Variants in PLXDC2 observed in about 807,000 individuals in gnomAD.
PLXDC2 encodes the protein plexin domain-containing protein 2.
In PLXDC2, 40 loss-of-function variants were observed where a neutral mutation model predicts 68.9. The ratio of observed to expected loss-of-function variants is 0.58; its 90% CI spans 0.45 to 0.76. The LOEUF (loss-of-function observed/expected upper bound fraction) is 0.76. PLXDC2 is among the 30% of genes least tolerant of loss of function. The pLI, the probability that PLXDC2 is intolerant of heterozygous loss-of-function variation, is 0.00. For synonymous variants in PLXDC2, 243 were observed against 234.2 expected, an observed-to-expected ratio of 1.04 and a Z score of -0.34; for missense variants, 644 against 661.9, an observed-to-expected ratio of 0.97 and a Z score of 0.30.
At chr10:20,115,022 CAAT>C (rs1833604240) in intron 4 of PLXDC2, among the ~76,000 whole-genome samples, 1 of 152,102 alleles carries the variant, frequency 6.6e-6, no homozygotes, top group South Asian at 2.1e-4. Flanking sequence ...ATCCGCAATG[CAAT>C]TTTTTTTTAC....
At chr10:19,858,170 C>G (rs927466618) in intron 1 of PLXDC2, among the ~76,000 whole-genome samples, 4 of 152,120 alleles carry the variant, frequency 2.6e-5, no homozygotes, top group African/African-American at 9.7e-5. Flanking sequence ...TTGCTGATTT[C>G]TGGGGACAAA....
chr10:19,874,113 CAACACTT>C (rs2131345285), intron 1 of PLXDC2, among the ~76,000 whole-genome samples: 1 of 152,234 alleles, frequency 6.6e-6, no homozygotes, highest in East Asian at 1.9e-4. Context: ...CAAAGTTCAG[CAACACTT>C]ACGATCACAG....
At chr10:20,113,363 C>T (rs1002352025) in intron 4 of PLXDC2, among the ~76,000 whole-genome samples, 44 of 152,126 alleles carry the variant, frequency 2.9e-4, no homozygotes, top group African/African-American at 1.1e-3. Flanking sequence ...TTCCAATTTC[C>T]TTGCTGTAGT....
intron 1 of PLXDC2, among the ~76,000 whole-genome samples, chr10:19,894,712 A>G (rs1838026463): frequency 6.6e-6 from 1 of 152,180 alleles, no homozygotes; most frequent in Non-Finnish European, 1.5e-5. Context: ...GAGAAATGCA[A>G]ATCGAAACCA....
chr10:19,961,843 G>A (rs1834158217), intron 1 of PLXDC2, among the ~76,000 whole-genome samples: 1 of 152,280 alleles, frequency 6.6e-6, no homozygotes, highest in South Asian at 2.1e-4. Flanking sequence ...TGCCATACTA[G>A]GAGGGCCCTC....
At chr10:20,002,260 CTTT>C (rs34210865) in intron 2 of PLXDC2, among the ~76,000 whole-genome samples, 8 of 138,406 alleles carry the variant, frequency 5.8e-5, no homozygotes, top group Non-Finnish European at 9.4e-5. Context: ...TGTGTAAGAG[CTTT>C]TTTTTTTTTT....
At chr10:20,247,907 G>T (rs1350288554) in intron 13 of PLXDC2, among the ~76,000 whole-genome samples, 1 of 152,118 alleles carries the variant, frequency 6.6e-6, no homozygotes, top group African/African-American at 2.4e-5. Context: ...ATATTATCAC[G>T]CATTGCCTTG....
intron 1 of PLXDC2, among the ~76,000 whole-genome samples, chr10:19,999,014 G>C (rs971258957): frequency 3.3e-5 from 5 of 152,186 alleles, no homozygotes; most frequent in African/African-American, 1.2e-4. Context: ...GGGAAATAGA[G>C]ACTTCATCGT....
chr10:20,236,210 G>A (rs1835430125), intron 12 of PLXDC2, among the ~76,000 whole-genome samples: 1 of 152,060 alleles, frequency 6.6e-6, no homozygotes, highest in Admixed American at 6.6e-5. Context: ...GGGAGGCTGA[G>A]GCAGGTGGAT....
At chr10:20,077,192 C>A (rs1836466050) in intron 4 of PLXDC2, among the ~76,000 whole-genome samples, 1 of 152,064 alleles carries the variant, frequency 6.6e-6, no homozygotes. Flanking sequence ...GCTAACAACC[C>A]AATTAAAAAA....
At chr10:20,229,827 G>A (rs906113804) in intron 12 of PLXDC2, among the ~76,000 whole-genome samples, 3 of 152,224 alleles carry the variant, frequency 2.0e-5, no homozygotes, top group African/African-American at 4.8e-5. Flanking sequence ...TACTGTGACC[G>A]AATGTTATTT....
chr10:20,279,615 T>G, intron 13 of PLXDC2, 88 bp from the exon 14 acceptor site: 1 of 991,768 alleles, frequency 1.0e-6, no homozygotes, highest in Non-Finnish European at 1.6e-6. Context: ...AATTCAACAT[T>G]TAATCTAAAA....
At chr10:19,832,133 TTAA>T (rs1233612912) in intron 1 of PLXDC2, among the ~76,000 whole-genome samples, 1 of 152,254 alleles carries the variant, frequency 6.6e-6, no homozygotes, top group Non-Finnish European at 1.5e-5. Flanking sequence ...TGTTGTTTAT[TTAA>T]TACTTTTGTT....
chr10:20,065,650 G>C lies in PLXDC2; in HGVS notation c.472-2520G>C, dbSNP rs903213143. Among the ~76,000 whole-genome samples, 3 of 152,252 alleles carry C rather than the reference G, an allele frequency of 2.0e-5. No homozygotes were observed. In the East Asian group the frequency reaches 5.8e-4, roughly 29 times the overall value. ...TCCTGAGCTTGTTTTCCTGTAACTAGAAGGTCCCATCTGAGGGTAATGGAT... is the reference window on the plus strand; with the variant it reads ...TCCTGAGCTTGTTTTCCTGTAACTACAAGGTCCCATCTGAGGGTAATGGAT... On this transcript the variant is annotated intron_variant, in intron 3 of 13. Transcript: ENST00000377252.
At chr10:20,092,810 C>T (rs776963146) in intron 4 of PLXDC2, among the ~76,000 whole-genome samples, 31 of 151,826 alleles carry the variant, frequency 2.0e-4, no homozygotes, top group Non-Finnish European at 2.9e-5. Context: ...ATTTTACAAG[C>T]AGAACAAGAG....
chr10:20,267,450 T>C (rs1272710649), intron 13 of PLXDC2, among the ~76,000 whole-genome samples: 1 of 152,100 alleles, frequency 6.6e-6, no homozygotes, highest in Non-Finnish European at 1.5e-5. Flanking sequence ...GCAGCAGAAT[T>C]TGCAAAAATT....
intron 6 of PLXDC2, among the ~76,000 whole-genome samples, chr10:20,157,683 A>T (rs117642090): frequency 0.046 from 7,063 of 152,198 alleles, 232 homozygotes; most frequent in Non-Finnish European, 0.071. Context: ...TTTACCCCTG[A>T]CATCTTTTCC....
At chr10:20,080,920 C>T (rs529878241) in intron 4 of PLXDC2, among the ~76,000 whole-genome samples, 1 of 152,176 alleles carries the variant, frequency 6.6e-6, no homozygotes, top group South Asian at 2.1e-4. Context: ...TTCCACAAAG[C>T]TAGAATTTCA....
chr10:20,027,938 T>C (rs1328902226), intron 2 of PLXDC2, among the ~76,000 whole-genome samples: 1 of 151,730 alleles, frequency 6.6e-6, no homozygotes, highest in Non-Finnish European at 1.5e-5. Flanking sequence ...GACTTAGGAC[T>C]ATTTGTTTCC....
Sources: gnomAD v4.1 joint callset for allele counts (sites outside exome capture counted in the v4.1 genomes callset) on GRCh38, gnomAD v4.1.1 for gene constraint, MANE v1.5 for transcripts, NCBI Gene and HGNC (gene_info 2026-07-23, HGNC 2026-07-21) for gene names.